Variants in VWA5B1 observed in about 807,000 individuals in gnomAD.
VWA5B1 encodes von Willebrand factor A domain containing 5B1.
Under a neutral mutation model 118.2 loss-of-function variants are expected in VWA5B1, and 115 were observed. That is an observed-to-expected ratio of 0.97 (90% CI 0.84 to 1.14). VWA5B1 has a LOEUF of 1.14. VWA5B1 is among the 50% of genes most tolerant of loss of function. The pLI is 0.00. For missense variants in VWA5B1, 1,596 were observed against 1,603.8 expected, an observed-to-expected ratio of 1.00 and a Z score of 0.08; for synonymous variants, 682 against 658.4, an observed-to-expected ratio of 1.04 and a Z score of -0.55.
intron 13 of VWA5B1, 23 bp downstream of exon 13, chr1:20,336,509 T>C: frequency 1.5e-6 from 2 of 1,341,050 alleles, no homozygotes; most frequent in Non-Finnish European, 1.9e-6. Flanking sequence ...CTCTGATGAT[T>C]GCTGCCTTAC....
rs1014391019 is a variant in VWA5B1 at position 20,342,440 on chromosome 1, G to C, written c.2142G>C (p.Leu714=). Residue 714 remains leucine, a synonymous_variant, in exon 15 of 22, where the codon CTG becomes CTC. Coordinates refer to ENST00000289815, the MANE Select transcript of VWA5B1 (RefSeq NM_001039500.3). ...QRWQIDLQPL[L]NSGQDLNQGP... is the part of the protein sequence containing the mutation. The stretch of plus-strand genomic sequence containing the variant: ...TCCTCTTCCATCCCTAGCCCTTGCT[G>C]AACAGTGGTCAGGACCTGAACCAGG... 1.2e-5 allele frequency: 19 copies of C among 1,550,748 alleles called. No individual in the cohort carries two copies. The highest frequency in any genetic ancestry group is 2.7e-5 in the African/African-American group (2 of 72,976).
intron 10 of VWA5B1, 45 bp downstream of exon 10, chr1:20,330,427 G>C: frequency 6.5e-7 from 1 of 1,545,268 alleles, no homozygotes; most frequent in South Asian, 1.2e-5. Context: ...CCAGGCTGCC[G>C]GGGCTGGGGC....
At position 20,343,374 on chromosome 1, in the gene VWA5B1, C is replaced by G; in HGVS notation, c.2607C>G (p.Arg869=). 1 of 1,534,210 alleles carries G rather than the reference C, an allele frequency of 6.5e-7. No homozygotes were observed. The highest frequency in any genetic ancestry group is 1.4e-5 in the African/African-American group (1 of 72,990). ...GCGACTTCGAGCAGCTGGCGGAGCG[C>G]GAGGGCGAGATCGAGCAGGGTGAGC... is the stretch of plus-strand genomic sequence containing the variant. ...IIRDFEQLAE[R]EGEIEQGSNR... Residue 869 remains arginine, a synonymous_variant, in exon 16 of 22, where the codon CGC becomes CGG. Coordinates refer to ENST00000289815, the MANE Select transcript of VWA5B1 (RefSeq NM_001039500.3).
At chr1:20,296,443 G>A (rs2088408763) in intron 1 of VWA5B1, among the ~76,000 whole-genome samples, 1 of 152,208 alleles carries the variant, frequency 6.6e-6, no homozygotes, top group South Asian at 2.1e-4. Context: ...TCCTACACAA[G>A]GCCATAGATA....
chr1:20,304,762 G>A (rs539255837), intron 1 of VWA5B1, among the ~76,000 whole-genome samples: 1 of 152,248 alleles, frequency 6.6e-6, no homozygotes, highest in East Asian at 1.9e-4. Flanking sequence ...CGGCACAGGA[G>A]ATAGTGTACC....
intron 13 of VWA5B1, 102 bp downstream of exon 13, chr1:20,336,588 G>A (rs1032301349): frequency 8.1e-7 from 1 of 1,238,710 alleles, no homozygotes; most frequent in African/African-American, 1.5e-5. Flanking sequence ...AGCTGCAGAG[G>A]TGGGTACTGT....
At position 20,356,280 on chromosome 1, in the gene VWA5B1, G is replaced by A. The variant is rs1245255821; in HGVS notation, c.*2017G>A. On this transcript the variant is annotated 3_prime_UTR_variant, in exon 22 of 22. Transcript: ENST00000289815. ...CAGCCTAGTACTAGTTTGGGCAAGT[G>A]GTTTCTCCTCCTAGGTGCCCTGGAG... Among the ~76,000 whole-genome samples, 3 of 152,120 alleles carry A rather than the reference G, an allele frequency of 2.0e-5. No individual in the cohort carries two copies. Among genetic ancestry groups the A allele is most frequent in the Admixed American group, 1.3e-4 (2 of 15,278 alleles).
At chr1:20,307,810 CT>C (rs11348747) in intron 1 of VWA5B1, among the ~76,000 whole-genome samples, 64,801 of 145,136 alleles carry the variant, frequency 0.45, 15,177 homozygotes, top group East Asian at 0.9. Flanking sequence ...TTCTGACATT[CT>C]TTTTTTTTTT....
intron 2 of VWA5B1, among the ~76,000 whole-genome samples, chr1:20,312,215 A>C (rs921998879): frequency 6.6e-6 from 1 of 152,236 alleles, no homozygotes; most frequent in African/African-American, 2.4e-5. Flanking sequence ...CTGAGTCTGC[A>C]TTTTAACAAA....
intron 1 of VWA5B1, among the ~76,000 whole-genome samples, chr1:20,309,324 C>T (rs922973332): frequency 6.6e-6 from 1 of 152,226 alleles, no homozygotes; most frequent in Non-Finnish European, 1.5e-5. Flanking sequence ...GATAGAGATA[C>T]TCTTGGGGAG....
At chr1:20,315,961 A>T (rs1013434774) in intron 4 of VWA5B1, among the ~76,000 whole-genome samples, 2 of 152,212 alleles carry the variant, frequency 1.3e-5, no homozygotes, top group African/African-American at 4.8e-5. Flanking sequence ...TGGATCAGGG[A>T]ACAAGAGGCT....
Position 20,354,293 on chromosome 1 carries a change from A to C in VWA5B1, c.*30A>C. The C allele has an allele frequency of 5.1e-5, 50 of 977,226 alleles. No homozygotes were observed. Among genetic ancestry groups the C allele is most frequent in the East Asian group, 1.6e-4 (5 of 31,332 alleles). The allele number at this position is 977,226 out of a possible 1,614,324, so 60.5% of individuals were successfully genotyped here. ...GTGACGGGGAGGCTGGGTGGAGGGA[A>C]GGGTGGGGAGGAGAGGGATGGGCAG... On this transcript the variant is annotated 3_prime_UTR_variant, in exon 22 of 22. Transcript: ENST00000289815.
At chr1:20,326,113 A>G (rs2089371511) in intron 8 of VWA5B1, among the ~76,000 whole-genome samples, 1 of 152,232 alleles carries the variant, frequency 6.6e-6, no homozygotes, top group African/African-American at 2.4e-5. Flanking sequence ...GTGACTAATG[A>G]AAAAATAAGC....
Position 20,313,952 on chromosome 1 carries a change from G to T in VWA5B1, c.293-370G>T, listed in dbSNP as rs1219277316. Among the ~76,000 whole-genome samples the T allele has an allele frequency of 3.9e-5, 6 of 152,122 alleles. No individual in the cohort carries two copies. In the South Asian group the frequency reaches 1.0e-3, roughly 26 times the overall value. The stretch of plus-strand genomic sequence containing the variant: ...GTAGACTGGCTAATTAGGGATGAAG[G>T]AATAGGTGTTTTGATAAAAGGAAAG... On this transcript the variant is annotated intron_variant, in intron 3 of 21. Transcript: ENST00000289815.
chr1:20,332,980 G>T lies in VWA5B1; in HGVS notation c.1758+29G>T, dbSNP rs763412343. The stretch of plus-strand genomic sequence containing the variant: ...AGTATCCTAGAAATTCCACGGGTCC[G>T]TGTGGGCCCAGAACCCATGCCTACA... On this transcript the variant is annotated intron_variant, in intron 12 of 21. Coordinates refer to ENST00000289815, the MANE Select transcript of VWA5B1 (RefSeq NM_001039500.3). The T allele has an allele frequency of 1.3e-5, 20 of 1,549,170 alleles. No homozygotes were observed. The Admixed American group carries it at 1.4e-4, about 11-fold the overall frequency.
intron 14 of VWA5B1, 120 bp from the exon 15 acceptor site, chr1:20,342,312 G>A (rs1280072013): frequency 1.9e-5 from 20 of 1,056,968 alleles, no homozygotes; most frequent in Non-Finnish European, 2.6e-5. Flanking sequence ...AGCTGGTGGG[G>A]TGGGGGTGGG....
rs368836401 is a variant in VWA5B1 at position 20,352,136 on chromosome 1, G to A, written c.3105G>A (p.Ser1035=). ...LSKPLIKAVE[S]TSGNQSFDYI... ...AGCCACTGATCAAAGCTGTGGAGTC[G>A]ACCTCCGGGAACCAGAGCTTCGACT... The change falls in exon 21 of 22, where the codon TCG becomes TCA. Residue 1035 remains serine, a synonymous_variant. Transcript: ENST00000289815. The A allele has an allele frequency of 2.5e-5, 39 of 1,551,182 alleles. No homozygotes were observed. The Admixed American group carries it at 5.9e-4, about 23-fold the overall frequency.
chr1:20,354,365 A>C lies in VWA5B1; in HGVS notation c.*102A>C. 7.3e-7 allele frequency: 1 copy of C among 1,374,032 alleles called. No homozygotes were observed. The highest frequency in any genetic ancestry group is 9.7e-7 in the Non-Finnish European group (1 of 1,036,028). The allele number at this position is 1,374,032 out of a possible 1,614,324, so 85.1% of individuals were successfully genotyped here. A position where few individuals can be genotyped will look rare whatever the true frequency, so the allele number is the denominator to read the frequency against. ...GGGAGCTTTTGGAGCTGTAACTAAT[A>C]TTTCAGTTACTAGAAAGAGCCCTGG... On this transcript the variant is annotated 3_prime_UTR_variant, in exon 22 of 22. Transcript: ENST00000289815.
intron 1 of VWA5B1, among the ~76,000 whole-genome samples, chr1:20,309,284 G>A (rs1171947712): frequency 1.3e-5 from 2 of 152,182 alleles, no homozygotes; most frequent in Non-Finnish European, 2.9e-5. Context: ...AACAGACATC[G>A]CTCAGAAACA....
Sources: allele counts gnomAD v4.1 joint callset (sites outside exome capture counted in the v4.1 genomes callset), GRCh38; gene constraint gnomAD v4.1.1; transcripts MANE v1.5; gene names NCBI Gene and HGNC (gene_info 2026-07-23, HGNC 2026-07-21).